Variants in RBFOX1 observed in about 807,000 individuals in gnomAD.
RBFOX1 encodes RNA binding fox-1 homolog 1.
A neutral mutation model predicts 57.7 loss-of-function variants in RBFOX1; 8 were observed. That is an observed-to-expected ratio of 0.14 (90% CI 0.08 to 0.25). The LOEUF is 0.25. RBFOX1 is among the 10% of genes least tolerant of loss of function. The pLI, the probability that RBFOX1 is intolerant of heterozygous loss-of-function variation, is 1.00. For missense variants in RBFOX1, 611 were observed against 548.5 expected (o/e 1.11, Z -1.14); for synonymous variants, 326 against 222.4 (o/e 1.47, Z -4.15).
intron 11 of RBFOX1, among the ~76,000 whole-genome samples, chr16:7,651,659 G>A (rs113680776): frequency 0.011 from 1,652 of 152,244 alleles, 10 homozygotes; most frequent in Non-Finnish European, 0.017. Context: ...GATAGAGGGT[G>A]GAGACAACTT....
At chr16:6,736,936 G>C (rs1212051270) in intron 3 of RBFOX1, among the ~76,000 whole-genome samples, 7 of 152,182 alleles carry the variant, frequency 4.6e-5, no homozygotes, top group Non-Finnish European at 8.8e-5. Context: ...GGTGATGTCT[G>C]CTGTGAAGTT....
chr16:6,679,270 C>T (rs2058248962), intron 3 of RBFOX1, among the ~76,000 whole-genome samples: 1 of 151,848 alleles, frequency 6.6e-6, no homozygotes, highest in Non-Finnish European at 1.5e-5. Flanking sequence ...AAAAAGTGAG[C>T]TTAAAGAAAA....
intron 3 of RBFOX1, among the ~76,000 whole-genome samples, chr16:5,731,304 A>G (rs1489500305): frequency 2.0e-5 from 3 of 152,164 alleles, no homozygotes; most frequent in Non-Finnish European, 4.4e-5. Context: ...CACCACCACC[A>G]TCATCATCAC....
intron 1 of RBFOX1, among the ~76,000 whole-genome samples, chr16:6,084,025 A>G (rs1165954642): frequency 6.6e-6 from 1 of 152,194 alleles, no homozygotes; most frequent in Non-Finnish European, 1.5e-5. Context: ...AGTAGAGTAT[A>G]ACGGTTAAAG....
intron 3 of RBFOX1, among the ~76,000 whole-genome samples, chr16:6,839,286 A>T (rs966736503): frequency 6.6e-6 from 1 of 152,110 alleles, no homozygotes; most frequent in Non-Finnish European, 1.5e-5. Flanking sequence ...TGCCCGGCAC[A>T]TCATTTTCAA....
At chr16:6,030,602 T>C (rs905100063) in intron 1 of RBFOX1, among the ~76,000 whole-genome samples, 2 of 152,114 alleles carry the variant, frequency 1.3e-5, no homozygotes, top group Non-Finnish European at 2.9e-5. Flanking sequence ...AATATAAAGG[T>C]ATATAAGGTA....
intron 3 of RBFOX1, among the ~76,000 whole-genome samples, chr16:7,044,246 T>A (rs1213999425): frequency 6.6e-6 from 1 of 152,160 alleles, no homozygotes; most frequent in East Asian, 1.9e-4. Flanking sequence ...AACAAGTGGA[T>A]TCCAAACATC....
chr16:6,708,355 C>T (rs1298307793), intron 3 of RBFOX1, among the ~76,000 whole-genome samples: 1 of 152,094 alleles, frequency 6.6e-6, no homozygotes, highest in Non-Finnish European at 1.5e-5. Flanking sequence ...TTGAGACCAT[C>T]TTCTGTTTTC....
At chr16:5,461,021 C>T (rs1375145083) in intron 1 of RBFOX1, among the ~76,000 whole-genome samples, 1 of 152,098 alleles carries the variant, frequency 6.6e-6, no homozygotes, top group African/African-American at 2.4e-5. Flanking sequence ...TGCAGAAATA[C>T]TTCCTGTCTC....
intron 1 of RBFOX1, among the ~76,000 whole-genome samples, chr16:6,209,959 G>GTTTGTT (rs967132053): frequency 1.3e-5 from 2 of 151,988 alleles, no homozygotes; most frequent in Non-Finnish European, 2.9e-5. Flanking sequence ...TAGACTTTTT[G>GTTTGTT]TTTGTTTTTT....
At chr16:6,738,109 CT>C (rs2070934958) in intron 3 of RBFOX1, among the ~76,000 whole-genome samples, 1 of 150,344 alleles carries the variant, frequency 6.7e-6, no homozygotes, top group South Asian at 2.1e-4. Flanking sequence ...GCATTTTCCT[CT>C]TGTCAAGATG....
chr16:7,672,789 C>G (rs941874231), intron 13 of RBFOX1, among the ~76,000 whole-genome samples: 1 of 128,276 alleles, frequency 7.8e-6, no homozygotes, highest in African/African-American at 2.9e-5. Context: ...ATCGGTTGAA[C>G]CTGGGAGACA....
intron 2 of RBFOX1, among the ~76,000 whole-genome samples, chr16:6,644,049 C>T (rs928497455): frequency 1.3e-5 from 2 of 152,068 alleles, no homozygotes; most frequent in Admixed American, 6.5e-5. Flanking sequence ...TCGTTTGAAC[C>T]CGGGAGGCAG....
intron 2 of RBFOX1, among the ~76,000 whole-genome samples, chr16:5,492,922 C>T (rs1249132989): frequency 6.6e-6 from 1 of 152,194 alleles, no homozygotes; most frequent in Non-Finnish European, 1.5e-5. Flanking sequence ...TTGTGGAATC[C>T]TGTTCACTTC....
intron 2 of RBFOX1, among the ~76,000 whole-genome samples, chr16:6,487,306 C>A (rs2095506620): frequency 6.6e-6 from 1 of 152,016 alleles, no homozygotes; most frequent in African/African-American, 2.4e-5. Context: ...GATTAATATG[C>A]TTCCAATTTT....
At chr16:7,514,285 G>A (rs888961475) in intron 4 of RBFOX1, among the ~76,000 whole-genome samples, 1 of 152,164 alleles carries the variant, frequency 6.6e-6, no homozygotes, top group Non-Finnish European at 1.5e-5. Context: ...TTTGCCTCAT[G>A]AGTCGTTTGC....
chr16:6,043,799 G>A (rs1183159289), intron 1 of RBFOX1, among the ~76,000 whole-genome samples: 2 of 152,154 alleles, frequency 1.3e-5, no homozygotes, highest in Non-Finnish European at 2.9e-5. Flanking sequence ...GAGTTTTGGT[G>A]GGAGATTGGA....
intron 1 of RBFOX1, among the ~76,000 whole-genome samples, chr16:5,272,758 A>G (rs576129275): frequency 4.7e-4 from 71 of 151,458 alleles, no homozygotes; most frequent in African/African-American, 1.6e-3. Flanking sequence ...TCCCTTTTCT[A>G]CTCACCTCCT....
At chr16:7,112,245 C>A (rs2064934655) in intron 4 of RBFOX1, among the ~76,000 whole-genome samples, 1 of 152,056 alleles carries the variant, frequency 6.6e-6, no homozygotes, top group Non-Finnish European at 1.5e-5. Context: ...GTCTGTCTTC[C>A]AGGCTGGAGT....
Sources: allele counts gnomAD v4.1 joint callset (sites outside exome capture counted in the v4.1 genomes callset), GRCh38; gene constraint gnomAD v4.1.1; transcripts MANE v1.5; gene names NCBI Gene and HGNC (gene_info 2026-07-23, HGNC 2026-07-21).